The following NAA35 variants were observed in gnomAD, a reference collection of about 807,000 sequenced individuals.
The protein encoded by NAA35 is MAK10 homolog, amino-acid N-acetyltransferase subunit.
In NAA35, 18 loss-of-function variants were observed where a neutral mutation model predicts 101.7. The ratio of observed to expected loss-of-function variants is 0.18; its 90% CI spans 0.12 to 0.26. The LOEUF is 0.26. NAA35 is among the 10% of genes least tolerant of loss of function. NAA35 has a pLI of 1.00. For synonymous variants in NAA35, 267 were observed against 273.1 expected (o/e 0.98, Z 0.22); for missense variants, 601 against 886.8 (o/e 0.68, Z 4.09).
At chr9:86,016,475 T>A (rs1378089691) in intron 17 of NAA35, 64 bp from the exon 18 acceptor site, 2 of 1,367,344 alleles carry the variant, frequency 1.5e-6, no homozygotes, top group South Asian at 1.3e-5. Context: ...ATCGTTAATA[T>A]ATGTGTTGAT....
At chr9:85,978,915 C>CA (rs1830322702) in intron 11 of NAA35, among the ~76,000 whole-genome samples, 1 of 152,132 alleles carries the variant, frequency 6.6e-6, no homozygotes, top group African/African-American at 2.4e-5. Flanking sequence ...CAGGAATAAG[C>CA]AAAGACAGCT....
intron 15 of NAA35, among the ~76,000 whole-genome samples, chr9:86,011,930 A>AG (rs1831945108): frequency 7.1e-6 from 1 of 141,664 alleles, no homozygotes; most frequent in Non-Finnish European, 1.5e-5. Context: ...CATATAATAT[A>AG]TACTATAATA....
intron 4 of NAA35, 36 bp from the exon 5 acceptor site, chr9:85,959,757 T>A (rs540973461): frequency 6.7e-7 from 1 of 1,499,974 alleles, no homozygotes; most frequent in Non-Finnish European, 9.1e-7. Flanking sequence ...TTTAAAAAAA[T>A]TTCTGCTTAT....
intron 2 of NAA35, among the ~76,000 whole-genome samples, chr9:85,944,496 A>G (rs1258024447): frequency 1.3e-5 from 2 of 152,222 alleles, no homozygotes; most frequent in Admixed American, 6.5e-5. Flanking sequence ...TAGAAGGGTA[A>G]CATATGAGAA....
chr9:86,007,143 T>C (rs536644499), intron 13 of NAA35, among the ~76,000 whole-genome samples: 18 of 152,230 alleles, frequency 1.2e-4, no homozygotes, highest in Non-Finnish European at 2.4e-4. Context: ...GGGAGGTTTT[T>C]ATTTCTGTAC....
chr9:85,970,541 T>C (rs1829957739), intron 6 of NAA35, among the ~76,000 whole-genome samples: 2 of 152,178 alleles, frequency 1.3e-5, no homozygotes, highest in African/African-American at 4.8e-5. Context: ...TGCCGGCTTA[T>C]ACAGTGCTCT....
chr9:85,980,899 G>C (rs1193270089), intron 11 of NAA35, among the ~76,000 whole-genome samples: 1 of 152,110 alleles, frequency 6.6e-6, no homozygotes, highest in Admixed American at 6.6e-5. Flanking sequence ...TCAAATTAGT[G>C]TTACCCAGTT....
At chr9:85,981,702 A>C (rs1465959625) in intron 11 of NAA35, among the ~76,000 whole-genome samples, 1 of 152,184 alleles carries the variant, frequency 6.6e-6, no homozygotes, top group Admixed American at 6.5e-5. Context: ...TAAATTTAAC[A>C]AGTACTCACC....
At chr9:85,969,863 A>G (rs936477766) in intron 6 of NAA35, among the ~76,000 whole-genome samples, 7 of 151,704 alleles carry the variant, frequency 4.6e-5, no homozygotes, top group African/African-American at 1.7e-4. Flanking sequence ...GTCTCTTAAA[A>G]AAAAAAAAAA....
intron 11 of NAA35, among the ~76,000 whole-genome samples, chr9:85,983,128 G>C (rs928843637): frequency 2.6e-5 from 4 of 152,180 alleles, no homozygotes; most frequent in African/African-American, 9.7e-5. Flanking sequence ...ATTCTCTGGA[G>C]GAGGGGGACA....
chr9:85,941,638 C>A (rs1213314284), intron 1 of NAA35: 1 of 986,156 alleles, frequency 1.0e-6, no homozygotes, highest in African/African-American at 1.7e-5. Flanking sequence ...GCCGGCGGGA[C>A]CCTGCGGTGC....
At chr9:86,004,379 A>T (rs920515439) in intron 13 of NAA35, among the ~76,000 whole-genome samples, 1 of 151,976 alleles carries the variant, frequency 6.6e-6, no homozygotes, top group African/African-American at 2.4e-5. Context: ...TGCTAGGATT[A>T]CAGGTTGGAG....
intron 5 of NAA35, among the ~76,000 whole-genome samples, chr9:85,960,710 T>C (rs542515520): frequency 1.3e-5 from 2 of 152,080 alleles, no homozygotes; most frequent in African/African-American, 2.4e-5. Context: ...AAGAAAGGAG[T>C]CAAAGGATTG....
intron 17 of NAA35, 34 bp from the exon 18 acceptor site, chr9:86,016,505 A>G (rs773692182): frequency 5.0e-6 from 8 of 1,597,796 alleles, no homozygotes; most frequent in East Asian, 2.2e-5. Flanking sequence ...TCATTTAGAC[A>G]TCTACCATTA....
chr9:85,956,763 C>T (rs1829293891), intron 3 of NAA35, among the ~76,000 whole-genome samples: 1 of 152,140 alleles, frequency 6.6e-6, no homozygotes, highest in Admixed American at 6.5e-5. Flanking sequence ...GTGTCTTAGT[C>T]AGTTTAGTGT....
chr9:85,949,207 G>T (rs777055118), intron 2 of NAA35, among the ~76,000 whole-genome samples: 15 of 151,888 alleles, frequency 9.9e-5, no homozygotes, highest in Non-Finnish European at 1.9e-4. Context: ...TCTCCTTATG[G>T]AATGTCTGTT....
In NAA35 at chr9:86,022,231, AT is replaced by A; in HGVS notation, c.*277del. 3.6e-6 allele frequency: 1 copy of A among 280,064 alleles called. No individual in the cohort carries two copies. Among genetic ancestry groups the A allele is most frequent in the Non-Finnish European group, 6.5e-6 (1 of 153,074 alleles). 17.3% of individuals were successfully genotyped at this position (280,064 alleles called of 1,614,324 possible). ...TTTATTACAGATTTAATCACAAATC[AT>A]TTTTTATGAATGATTGAGTGAAAAT... On this transcript the variant is annotated 3_prime_UTR_variant, in exon 23 of 23. Coordinates refer to ENST00000361671, the MANE Select transcript of NAA35 (RefSeq NM_024635.4).
intron 2 of NAA35, among the ~76,000 whole-genome samples, chr9:85,948,953 C>T (rs1466441776): frequency 2.6e-5 from 4 of 152,016 alleles, no homozygotes; most frequent in South Asian, 4.2e-4. Flanking sequence ...GATGGGGTTT[C>T]GCCCTGTTGG....
intron 6 of NAA35, among the ~76,000 whole-genome samples, chr9:85,972,463 G>A (rs1242587380): frequency 1.6e-5 from 2 of 127,194 alleles, no homozygotes; most frequent in African/African-American, 6.1e-5. Context: ...AGTGAGCTAA[G>A]TTTGCGTCAC....
Sources: allele counts gnomAD v4.1 joint callset (sites outside exome capture counted in the v4.1 genomes callset), GRCh38; gene constraint gnomAD v4.1.1; transcripts MANE v1.5; gene names NCBI Gene and HGNC (gene_info 2026-07-23, HGNC 2026-07-21).